Variants in FRMPD4 observed in about 807,000 individuals in gnomAD.
The protein encoded by FRMPD4 is FERM and PDZ domain-containing protein 4.
A neutral mutation model predicts 94.1 loss-of-function variants in FRMPD4; 22 were observed. The ratio of observed to expected loss-of-function variants is 0.23; its 90% CI spans 0.17 to 0.33. The LOEUF (loss-of-function observed/expected upper bound fraction) is 0.33. Ranked by LOEUF, FRMPD4 falls within the 10% of genes least tolerant of loss-of-function variation. The probability of loss-of-function intolerance (pLI) is 1.00; values close to 1 mark genes in which losing one functional copy is unlikely to be tolerated. For synonymous variants in FRMPD4, 631 were observed against 548.6 expected (o/e 1.15, Z -2.10); for missense variants, 1,111 against 1,339.9 (o/e 0.83, Z 2.67).
chrX:12,230,672 G>C (rs943827997), intron 1 of FRMPD4, among the ~76,000 whole-genome samples: 3 of 107,618 alleles, frequency 2.8e-5, no homozygotes, highest in African/African-American at 1.0e-4. Context: ...GGCCTGCATG[G>C]TGAGTGATTG....
At chrX:12,479,533 A>C (rs1227659763) in intron 1 of FRMPD4, among the ~76,000 whole-genome samples, 1 of 104,637 alleles carries the variant, frequency 9.6e-6, no homozygotes, top group African/African-American at 3.5e-5. Flanking sequence ...ACAGGGTCTC[A>C]CTATGTTACT....
At chrX:11,913,489 T>TCTCATA (rs1464311306) in intron 3 of FRMPD4, among the ~76,000 whole-genome samples, 1 of 112,114 alleles carries the variant, frequency 8.9e-6, no homozygotes, top group Non-Finnish European at 1.9e-5. Flanking sequence ...CTGATTCTGG[T>TCTCATA]CTCAGTTTCA....
chrX:11,896,335 G>A (rs1940213535), intron 3 of FRMPD4, among the ~76,000 whole-genome samples: 1 of 112,095 alleles, frequency 8.9e-6, no homozygotes, highest in Non-Finnish European at 1.9e-5. Flanking sequence ...GAATGTTTAT[G>A]TCCCCCACAA....
At chrX:11,837,527 G>A (rs967903559) in intron 1 of FRMPD4, among the ~76,000 whole-genome samples, 3 of 111,572 alleles carry the variant, frequency 2.7e-5, no homozygotes, top group African/African-American at 9.8e-5. Context: ...ATACGTAATA[G>A]TGGATAGAAA....
At position 12,452,588 on chromosome X, in the gene FRMPD4, A is replaced by G. The variant is rs143448806; in HGVS notation, c.42-46092A>G. Among the ~76,000 whole-genome samples, 783 of 112,202 alleles carry G rather than the reference A, an allele frequency of 7.0e-3. 10 individuals carry two copies. Among genetic ancestry groups the G allele is most frequent in the African/African-American group, 0.023 (723 of 30,943 alleles). On this transcript the variant is annotated intron_variant, in intron 1 of 16. Transcript: ENST00000675598. ...CTCCTGCAAGGCCTATGTTTTAACGAAAAGTATGCCCCCTCAAAAAAAGAT... is the reference window on the plus strand; with the variant it reads ...CTCCTGCAAGGCCTATGTTTTAACGGAAAGTATGCCCCCTCAAAAAAAGAT...
At chrX:11,909,446 GATTA>G (rs2053985114) in intron 3 of FRMPD4, among the ~76,000 whole-genome samples, 1 of 110,043 alleles carries the variant, frequency 9.1e-6, no homozygotes, top group Admixed American at 9.7e-5. Flanking sequence ...TTTTTTTCTT[GATTA>G]GTCTGGCTAT....
intron 1 of FRMPD4, among the ~76,000 whole-genome samples, chrX:12,487,050 C>A (rs184259355): frequency 8.9e-6 from 1 of 111,984 alleles, no homozygotes; most frequent in Non-Finnish European, 1.9e-5. Flanking sequence ...AAATGTGAGA[C>A]CAGAATGGGA....
intron 1 of FRMPD4, among the ~76,000 whole-genome samples, chrX:12,386,900 C>T (rs767319229): frequency 1.8e-5 from 2 of 111,770 alleles, no homozygotes; most frequent in South Asian, 3.8e-4. Context: ...AGAATCATTA[C>T]GGACAATTTG....
chrX:11,899,696 T>G (rs1475007734), intron 3 of FRMPD4, among the ~76,000 whole-genome samples: 1 of 111,949 alleles, frequency 8.9e-6, no homozygotes, highest in African/African-American at 3.2e-5. Context: ...TGAGCATAAT[T>G]TCAACTGAAC....
intron 1 of FRMPD4, among the ~76,000 whole-genome samples, chrX:12,448,985 G>T (rs1307230492): frequency 9.0e-6 from 1 of 111,505 alleles, no homozygotes; most frequent in Non-Finnish European, 1.9e-5. Context: ...CTATCTGATG[G>T]CCAAGCACCC....
chrX:12,412,988 A>AAC (rs1555962784), intron 1 of FRMPD4, among the ~76,000 whole-genome samples: 122 of 111,475 alleles, frequency 1.1e-3, no homozygotes, highest in African/African-American at 3.9e-3. Flanking sequence ...AAAAAAAAAA[A>AAC]ACACACATTT....
chrX:12,701,316 A>G (rs1456812543), intron 9 of FRMPD4, among the ~76,000 whole-genome samples: 1 of 109,524 alleles, frequency 9.1e-6, no homozygotes, highest in Admixed American at 9.7e-5. Flanking sequence ...CACGTAATCC[A>G]CCCGCCTTGG....
At chrX:11,910,833 A>G (rs759367425) in intron 3 of FRMPD4, among the ~76,000 whole-genome samples, 6 of 111,925 alleles carry the variant, frequency 5.4e-5, no homozygotes, top group Non-Finnish European at 9.4e-5. Context: ...TCTTTTGTAA[A>G]TTAATATTAA....
intron 3 of FRMPD4, among the ~76,000 whole-genome samples, chrX:11,965,003 C>T (rs767091467): frequency 5.3e-5 from 6 of 112,765 alleles, no homozygotes; most frequent in Non-Finnish European, 9.4e-5. Flanking sequence ...TTCTCTGATT[C>T]TTTTTTGCCT....
At chrX:11,928,418 C>A (rs755010936) in intron 3 of FRMPD4, among the ~76,000 whole-genome samples, 75 of 111,499 alleles carry the variant, frequency 6.7e-4, no homozygotes, top group African/African-American at 2.4e-3. Context: ...CCATATAAAA[C>A]CATCAGATCT....
chrX:11,866,428 G>A (rs772735723), intron 2 of FRMPD4, among the ~76,000 whole-genome samples: 25 of 111,878 alleles, frequency 2.2e-4, no homozygotes, highest in Non-Finnish European at 4.1e-4. Context: ...ACAAGGTGAA[G>A]AAGCAGAGTC....
chrX:12,081,333 G>C (rs1311348619), intron 3 of FRMPD4, among the ~76,000 whole-genome samples: 1 of 111,790 alleles, frequency 8.9e-6, no homozygotes. Context: ...CACTGTGGGA[G>C]GGCTGCCAAT....
chrX:12,660,862 A>G (rs73448804), intron 4 of FRMPD4, among the ~76,000 whole-genome samples: 1,775 of 111,773 alleles, frequency 0.016, 41 homozygotes, highest in African/African-American at 0.053. Context: ...GATATCCAAG[A>G]TGGCTTCTTT....
rs182407931 is a variant in FRMPD4 at position 12,395,342 on chromosome X, G to A, written c.42-103338G>A. Among the ~76,000 whole-genome samples the A allele has an allele frequency of 4.5e-5, 5 of 112,032 alleles. No homozygotes were observed. The Admixed American group carries it at 4.7e-4, about 11-fold the overall frequency. ...TGAAGATATGAAAGCCATTAAGTTGGTACCTTACATGTTTTTTGTTTTTTA... is the reference window on the plus strand; with the variant it reads ...TGAAGATATGAAAGCCATTAAGTTGATACCTTACATGTTTTTTGTTTTTTA... On this transcript the variant is annotated intron_variant, in intron 1 of 16. Transcript: ENST00000675598.
Sources: allele counts gnomAD v4.1 joint callset (sites outside exome capture counted in the v4.1 genomes callset), GRCh38; gene constraint gnomAD v4.1.1; transcripts MANE v1.5; gene names NCBI Gene and HGNC (gene_info 2026-07-23, HGNC 2026-07-21).